DCDC1: variants seen among roughly 807,000 people sequenced by gnomAD.
DCDC1 encodes doublecortin domain containing 1, also known as doublecortin domain-containing protein 1.
A neutral mutation model predicts 178.3 loss-of-function variants in DCDC1; 200 were observed. That is an observed-to-expected ratio of 1.12 (90% CI 1.00 to 1.26). The LOEUF (loss-of-function observed/expected upper bound fraction) is 1.26. Among genes scored for constraint, DCDC1 ranks in the 50% most tolerant of loss-of-function variants. DCDC1 has a pLI of 0.00. For missense variants in DCDC1, 1,983 were observed against 1,749.2 expected, an observed-to-expected ratio of 1.13 and a Z score of -2.38; for synonymous variants, 690 against 604.8, an observed-to-expected ratio of 1.14 and a Z score of -2.07.
chr11:31,362,940 AAACTGAC>A lies in DCDC1; in HGVS notation c.-125+6750_-125+6756del, dbSNP rs530431456. ...AATGCTAAATGTGTTTATTACTAGT[AAACTGAC>A]ATAAGTAATAAAAAACAGACTATAG... On this transcript the variant is annotated intron_variant, in intron 1 of 38. Coordinates refer to ENST00000684477, the MANE Select transcript of DCDC1 (RefSeq NM_001387274.1). 4.5e-3 allele frequency among the ~76,000 whole-genome samples: 682 copies of A among 152,280 alleles called. 5 individuals are homozygous for A. The highest frequency in any genetic ancestry group is 0.015 in the African/African-American group (643 of 41,572).
At chr11:31,066,264 AC>A (rs1301540984) in intron 18 of DCDC1, among the ~76,000 whole-genome samples, 1 of 152,198 alleles carries the variant, frequency 6.6e-6, no homozygotes, top group Non-Finnish European at 1.5e-5. Flanking sequence ...GTAATTTCCC[AC>A]ATAACAATAA....
chr11:31,251,186 A>T (rs1199124751), intron 8 of DCDC1, among the ~76,000 whole-genome samples: 1 of 152,228 alleles, frequency 6.6e-6, no homozygotes, highest in Non-Finnish European at 1.5e-5. Flanking sequence ...ACATTAAACA[A>T]ATAACTGCCA....
intron 1 of DCDC1, among the ~76,000 whole-genome samples, chr11:31,360,208 T>G (rs1336928609): frequency 6.6e-6 from 1 of 152,190 alleles, no homozygotes; most frequent in African/African-American, 2.4e-5. Context: ...GCTACTGGTT[T>G]GTTAACAATG....
intron 20 of DCDC1, among the ~76,000 whole-genome samples, chr11:30,953,408 A>G (rs1948553730): frequency 6.6e-6 from 1 of 151,436 alleles, no homozygotes; most frequent in Non-Finnish European, 1.5e-5. Flanking sequence ...TTTAGTAAGC[A>G]ATGAAATAAC....
Position 31,010,113 on chromosome 11 carries a change from TC to T in DCDC1, c.2591+54355del, listed in dbSNP as rs142734451. Among the ~76,000 whole-genome samples the T allele has an allele frequency of 8.1e-3, 1,229 of 152,316 alleles. 15 individuals are homozygous for T. Among genetic ancestry groups the T allele is most frequent in the African/African-American group, 0.029 (1,185 of 41,566 alleles). On this transcript the variant is annotated intron_variant, in intron 20 of 38. Transcript: ENST00000684477. ...CATGACGGCACTCTGCTTCACTCAG[TC>T]CACTGATTCAAATGCTAATCTCTTC...
intron 9 of DCDC1, among the ~76,000 whole-genome samples, chr11:31,170,929 A>T (rs1775513598): frequency 6.6e-6 from 1 of 152,004 alleles, no homozygotes; most frequent in South Asian, 2.1e-4. Flanking sequence ...CCCGGGTTCA[A>T]ATGATTCTCC....
chr11:31,081,248 T>C (rs1957149611), intron 17 of DCDC1, among the ~76,000 whole-genome samples: 1 of 152,222 alleles, frequency 6.6e-6, no homozygotes, highest in Non-Finnish European at 1.5e-5. Context: ...AATATATGGC[T>C]GTTTAGGGAA....
intron 7 of DCDC1, among the ~76,000 whole-genome samples, chr11:31,267,210 G>C (rs1945221211): frequency 2.7e-5 from 4 of 147,514 alleles, no homozygotes; most frequent in Admixed American, 2.7e-4. Flanking sequence ...TTTTTTTTGA[G>C]ATGTAGTGTC....
At chr11:30,901,807 A>C (rs1260709784) in intron 32 of DCDC1, among the ~76,000 whole-genome samples, 5 of 152,198 alleles carry the variant, frequency 3.3e-5, no homozygotes, top group Non-Finnish European at 7.3e-5. Flanking sequence ...TTCAGCAATC[A>C]GCTAGGCATT....
Position 30,964,701 on chromosome 11 carries a change from T to TTA in DCDC1, c.2592-12135_2592-12134dup, listed in dbSNP as rs1010009722. Among the ~76,000 whole-genome samples the TTA allele has an allele frequency of 5.9e-5, 9 of 152,114 alleles. No individual in the cohort carries two copies. In the East Asian group the frequency reaches 1.2e-3, roughly 20 times the overall value. The stretch of plus-strand genomic sequence containing the variant: ...TAATCATAGACCAATATAAGTCCAA[T>TTA]TATATATATATTTGAACTTTTTCTG... On this transcript the variant is annotated intron_variant, in intron 20 of 38. Coordinates refer to ENST00000684477, the MANE Select transcript of DCDC1 (RefSeq NM_001387274.1).
chr11:30,935,309 G>A (rs563416752), intron 21 of DCDC1, among the ~76,000 whole-genome samples: 1 of 152,130 alleles, frequency 6.6e-6, no homozygotes, highest in Admixed American at 6.5e-5. Context: ...CTGGTTCAGG[G>A]CAAAGATATT....
chr11:31,304,006 T>C (rs1229023727), intron 6 of DCDC1, among the ~76,000 whole-genome samples: 9 of 152,148 alleles, frequency 5.9e-5, no homozygotes, highest in African/African-American at 1.9e-4. Context: ...AGAACAGCAG[T>C]GCATGTCACA....
At chr11:31,327,304 G>A (rs899943246) in intron 3 of DCDC1, among the ~76,000 whole-genome samples, 2 of 152,058 alleles carry the variant, frequency 1.3e-5, no homozygotes, top group Non-Finnish European at 2.9e-5. Context: ...GAGTAGCTGG[G>A]ATTACAGGCA....
chr11:31,048,752 G>A (rs974618424), intron 20 of DCDC1, among the ~76,000 whole-genome samples: 2 of 152,148 alleles, frequency 1.3e-5, no homozygotes, highest in African/African-American at 2.4e-5. Context: ...AGGTACTCGG[G>A]AGGCTGAGGC....
At chr11:31,354,058 CG>C (rs1564922352) in intron 1 of DCDC1, among the ~76,000 whole-genome samples, 1 of 152,046 alleles carries the variant, frequency 6.6e-6, no homozygotes, top group African/African-American at 2.4e-5. Flanking sequence ...GAGGCCAAGG[CG>C]GGAGGATCAC....
chr11:31,350,689 ATGC>A (rs1951026472), intron 1 of DCDC1, among the ~76,000 whole-genome samples: 1 of 152,150 alleles, frequency 6.6e-6, no homozygotes, highest in Admixed American at 6.5e-5. Context: ...TTGTACTTAA[ATGC>A]TGCATTGCAG....
chr11:31,351,701 G>C (rs1951082288), intron 1 of DCDC1, among the ~76,000 whole-genome samples: 1 of 152,044 alleles, frequency 6.6e-6, no homozygotes. Context: ...TTCCTCCCAA[G>C]CATGAAATTT....
At chr11:31,225,029 G>T (rs1183534467) in intron 9 of DCDC1, among the ~76,000 whole-genome samples, 1 of 151,964 alleles carries the variant, frequency 6.6e-6, no homozygotes, top group African/African-American at 2.4e-5. Context: ...AAAAGGAAAA[G>T]AAGTCACTAC....
chr11:31,278,410 G>A (rs966155213), intron 7 of DCDC1, among the ~76,000 whole-genome samples: 2 of 152,000 alleles, frequency 1.3e-5, no homozygotes, highest in Non-Finnish European at 2.9e-5. Flanking sequence ...AATAAGCCAG[G>A]CACAGAAACA....
Sources: allele counts gnomAD v4.1 joint callset (sites outside exome capture counted in the v4.1 genomes callset), GRCh38; gene constraint gnomAD v4.1.1; transcripts MANE v1.5; gene names NCBI Gene and HGNC (gene_info 2026-07-23, HGNC 2026-07-21).